Variants in FRK observed in about 807,000 individuals in gnomAD.
FRK encodes fyn related Src family tyrosine kinase, also known as tyrosine-protein kinase FRK.
FRK carries 51 observed loss-of-function variants against 56.4 expected under a neutral mutation model. The observed-to-expected ratio is 0.90, with a 90% CI of 0.72 to 1.14. The LOEUF is 1.14. Ranked by LOEUF, FRK falls within the 50% of genes most tolerant of loss-of-function variation. FRK has a pLI of 0.00. For missense variants in FRK, 570 were observed against 601.4 expected (o/e 0.95, Z 0.55); for synonymous variants, 245 against 217.9 (o/e 1.12, Z -1.10).
chr6:116,040,265 A>G (rs1776663820), intron 1 of FRK, among the ~76,000 whole-genome samples: 1 of 152,212 alleles, frequency 6.6e-6, no homozygotes, highest in Non-Finnish European at 1.5e-5. Flanking sequence ...ACATATGTGT[A>G]ATCACAATGT....
At chr6:116,047,332 T>G (rs940209284) in intron 1 of FRK, among the ~76,000 whole-genome samples, 15 of 151,084 alleles carry the variant, frequency 9.9e-5, no homozygotes, top group Non-Finnish European at 1.6e-4. Context: ...CAACCAGACA[T>G]CTGTAGTTTT....
intron 1 of FRK, among the ~76,000 whole-genome samples, chr6:116,017,982 G>A (rs1775714325): frequency 2.0e-5 from 3 of 152,158 alleles, no homozygotes; most frequent in Admixed American, 2.0e-4. Flanking sequence ...AAAGCTTTAA[G>A]TACAATACAG....
upstream of FRK, among the ~76,000 whole-genome samples, chr6:116,061,398 A>AC (rs761642088): frequency 8.4e-5 from 10 of 118,608 alleles, no homozygotes; most frequent in East Asian, 1.7e-3. Context: ...ACTATTTGGG[A>AC]AACACACACA....
the FRK span, among the ~76,000 whole-genome samples, chr6:116,074,469 T>C: frequency 6.6e-6 from 1 of 152,206 alleles, no homozygotes; most frequent in Non-Finnish European, 1.5e-5. Flanking sequence ...AGTTGTCTTA[T>C]TTCTTCGAGT....
chr6:116,096,571 C>T, the FRK span, among the ~76,000 whole-genome samples: 2 of 152,094 alleles, frequency 1.3e-5, no homozygotes, highest in Non-Finnish European at 2.9e-5. Flanking sequence ...CCAATCAGCA[C>T]TCTGCAAAAA....
chr6:116,081,431 C>A, the FRK span, among the ~76,000 whole-genome samples: 1 of 152,024 alleles, frequency 6.6e-6, no homozygotes, highest in Non-Finnish European at 1.5e-5. Context: ...CCAAGGTGGG[C>A]GGATCACCTG....
chr6:115,995,665 T>C (rs1018840370), intron 2 of FRK, among the ~76,000 whole-genome samples: 1 of 152,166 alleles, frequency 6.6e-6, no homozygotes, highest in African/African-American at 2.4e-5. Flanking sequence ...TTATGAATTT[T>C]CAGTAAGATA....
chr6:116,019,455 C>T (rs1037943137), intron 1 of FRK, among the ~76,000 whole-genome samples: 1 of 152,186 alleles, frequency 6.6e-6, no homozygotes, highest in Non-Finnish European at 1.5e-5. Context: ...AATGAATAAC[C>T]TCATAGCCAA....
intron 1 of FRK, chr6:116,038,882 C>A: frequency 1.8e-6 from 1 of 569,022 alleles, no homozygotes; most frequent in East Asian, 4.5e-5. Flanking sequence ...GGTTTGCACT[C>A]TCCCCACTGC....
intron 1 of FRK, chr6:116,039,165 C>A: frequency 9.1e-7 from 1 of 1,095,732 alleles, no homozygotes; most frequent in Non-Finnish European, 1.4e-6. Flanking sequence ...GAAGTGGCAT[C>A]ACTGAGAAGT....
At chr6:116,039,635 T>G in intron 1 of FRK, 1 of 755,278 alleles carries the variant, frequency 1.3e-6, no homozygotes, top group Non-Finnish European at 2.5e-6. Context: ...GTACCTTCCT[T>G]TACTGTTTAT....
intron 4 of FRK, among the ~76,000 whole-genome samples, chr6:115,966,050 TAA>T (rs66727407): frequency 4.7e-4 from 54 of 114,708 alleles, no homozygotes; most frequent in African/African-American, 1.7e-3. Context: ...TAAAGTATAA[TAA>T]AAAAAAAATT....
chr6:116,014,046 A>C (rs1428572346), intron 1 of FRK, among the ~76,000 whole-genome samples: 1 of 152,226 alleles, frequency 6.6e-6, no homozygotes, highest in Non-Finnish European at 1.5e-5. Context: ...CCTGGGGCTT[A>C]TCATTTTAAC....
chr6:116,072,102 C>T, the FRK span, among the ~76,000 whole-genome samples: 222 of 152,166 alleles, frequency 1.5e-3, no homozygotes, highest in African/African-American at 5.0e-3. Flanking sequence ...TAGCATTAGA[C>T]AAATAGTTGT....
chr6:115,973,638 G>A (rs1773888888), intron 2 of FRK, among the ~76,000 whole-genome samples: 1 of 152,182 alleles, frequency 6.6e-6, no homozygotes, highest in South Asian at 2.1e-4. Context: ...GGGAGGCCAA[G>A]GTGGGCAGAT....
At chr6:116,049,177 A>G (rs766531583) in intron 1 of FRK, among the ~76,000 whole-genome samples, 3 of 152,094 alleles carry the variant, frequency 2.0e-5, no homozygotes, top group Admixed American at 6.6e-5. Flanking sequence ...TCTTTAAACT[A>G]TCATACATGC....
At chr6:116,008,501 C>T (rs937304711) in intron 1 of FRK, among the ~76,000 whole-genome samples, 5 of 152,196 alleles carry the variant, frequency 3.3e-5, no homozygotes, top group Admixed American at 2.0e-4. Context: ...TTTATAACAT[C>T]GTCCTTCATA....
At chr6:116,021,895 T>C (rs1775884960) in intron 1 of FRK, among the ~76,000 whole-genome samples, 1 of 152,034 alleles carries the variant, frequency 6.6e-6, no homozygotes, top group South Asian at 2.1e-4. Flanking sequence ...CAAAAATTGA[T>C]ATTTTTGGGA....
In FRK at chr6:115,981,643, T is replaced by C. The variant is rs149133814; in HGVS notation, c.467-12904A>G. 2.8e-3 allele frequency among the ~76,000 whole-genome samples: 426 copies of C among 152,156 alleles called. 1 individual carries two copies. Among genetic ancestry groups the C allele is most frequent in the Non-Finnish European group, 4.0e-3 (269 of 67,964 alleles). On this transcript the variant is annotated intron_variant, in intron 2 of 7. Coordinates refer to ENST00000606080, the MANE Select transcript of FRK (RefSeq NM_002031.3). ...CTCTTCTCTTTTTCCCCACCCAATT[T>C]CAGCAATTAGTAGACATGTTGAACA...
Sources: allele counts gnomAD v4.1 joint callset (sites outside exome capture counted in the v4.1 genomes callset), GRCh38; gene constraint gnomAD v4.1.1; transcripts MANE v1.5; gene names NCBI Gene and HGNC (gene_info 2026-07-23, HGNC 2026-07-21).